Variants in GBP3 observed in about 807,000 individuals in gnomAD.
GBP3 encodes the protein guanylate binding protein 3.
A neutral mutation model predicts 62.4 loss-of-function variants in GBP3; 55 were observed. The ratio of observed to expected loss-of-function variants is 0.88; its 90% CI spans 0.71 to 1.10. The LOEUF is 1.10. Ranked by LOEUF, GBP3 falls within the 50% of genes least tolerant of loss-of-function variation. The pLI, the probability that GBP3 is intolerant of heterozygous loss-of-function variation, is 0.00. For synonymous variants in GBP3, 208 were observed against 259.2 expected, an observed-to-expected ratio of 0.80 and a Z score of 1.90; for missense variants, 605 against 690.6, an observed-to-expected ratio of 0.88 and a Z score of 1.39.
At position 89,021,544 on chromosome 1, in the gene GBP3, A is replaced by ACCCC. The variant is rs57313061; in HGVS notation, c.-22-805_-22-802dup. On this transcript the variant is annotated intron_variant, in intron 1 of 10. Transcript: ENST00000370481. ...CACACACACACACACACACACACAC[A>ACCCC]CCCCAAAAAAACCAAACCAAACAAA... 2.0e-3 allele frequency among the ~76,000 whole-genome samples: 280 copies of ACCCC among 141,000 alleles called. 1 individual carries two copies. The highest frequency in any genetic ancestry group is 4.3e-3 in the East Asian group (20 of 4,682). 92.5% of individuals were successfully genotyped at this position (141,000 alleles called of 152,430 possible).
rs1678606588 is a variant in GBP3, at chr1:89,012,123, A to G, written c.869-96T>C. On this transcript the variant is annotated intron_variant, in intron 6 of 10. Coordinates refer to ENST00000370481, the MANE Select transcript of GBP3 (RefSeq NM_018284.3). The stretch of plus-strand genomic sequence containing the variant: ...ATGTCAATTTCCACCTATTTTCCTC[A>G]CAGCATCAAGGTCCTCAGAATCATC... 4 of 1,198,664 alleles carry G rather than the reference A, an allele frequency of 3.3e-6. 2 individuals are homozygous for G. The highest frequency in any genetic ancestry group is 4.7e-6 in the Non-Finnish European group (4 of 847,138). 74.3% of individuals were successfully genotyped at this position (1,198,664 alleles called of 1,614,324 possible). A position where few individuals can be genotyped will look rare whatever the true frequency, so the allele number is the denominator to read the frequency against.
rs1377887193 is a variant in GBP3 at position 89,014,405 on chromosome 1, A to G, written c.429-126T>C. 10 of 1,593,710 alleles carry G rather than the reference A, an allele frequency of 6.3e-6. No homozygotes were observed. In the East Asian group the frequency reaches 6.8e-5, roughly 11 times the overall value. On this transcript the variant is annotated intron_variant, in intron 4 of 10. Coordinates refer to ENST00000370481, the MANE Select transcript of GBP3 (RefSeq NM_018284.3). The stretch of plus-strand genomic sequence containing the variant: ...TAAGTGTCAATTCTAAAGTGGATAC[A>G]TGGGATCTCTCCTCTGTACTTGCAT...
chr1:89,019,411 C>T (rs1006494366), intron 2 of GBP3, among the ~76,000 whole-genome samples: 2 of 152,232 alleles, frequency 1.3e-5, no homozygotes, highest in Non-Finnish European at 2.9e-5. Context: ...GCCCCAGCCT[C>T]CTGAGTAGCT....
rs1679144177 is a variant in GBP3 at position 89,020,734 on chromosome 1, G to T, written c.-13C>A. 1 of 1,610,048 alleles carries T rather than the reference G, an allele frequency of 6.2e-7. No individual in the cohort carries two copies. Among genetic ancestry groups the T allele is most frequent in the Non-Finnish European group, 8.5e-7 (1 of 1,176,854 alleles). On this transcript the variant is annotated 5_prime_UTR_variant, in exon 2 of 11. Coordinates refer to ENST00000370481, the MANE Select transcript of GBP3 (RefSeq NM_018284.3). The stretch of plus-strand genomic sequence containing the variant: ...TCTCTGGAGCCATGTCCAGGGCATT[G>T]TTCTCTTGTCTGCAAGGGAAGAGTT...
At position 89,009,482 on chromosome 1, in the gene GBP3, G is replaced by T; in HGVS notation, c.1375C>A (p.Leu459Met). 6.2e-7 allele frequency: 1 copy of T among 1,614,096 alleles called. No homozygotes were observed. Among genetic ancestry groups the T allele is most frequent in the Non-Finnish European group, 8.5e-7 (1 of 1,179,984 alleles). Residue 459 changes from leucine (L) to methionine (M), a missense_variant, in exon 9 of 11, where the codon CTG becomes ATG. Physicochemically the swap from Leu to Met is conservative, Grantham distance 15. This residue lies in a region of GBP3 where 137 missense variants were observed against 224.7 expected (regional missense o/e 0.61). Transcript: ENST00000370481. The stretch of plus-strand genomic sequence containing the variant: ...TCCTTGGATTTCAAGTATGTCTGCA[G>T]AATCTCTTCAGCCTTAGGACCCAGA... ...PRKGIQAEEI[L>M]QTYLKSKESV...
chr1:89,012,879 C>T (rs1417970698), intron 6 of GBP3, among the ~76,000 whole-genome samples: 5 of 138,956 alleles, frequency 3.6e-5, no homozygotes, highest in African/African-American at 1.2e-4. Flanking sequence ...CCTCTGTCAC[C>T]CAGGCTGGAG....
chr1:89,009,170 A>C lies in GBP3; in HGVS notation c.1466-30T>G, dbSNP rs777643488. 6 of 1,606,032 alleles carry C rather than the reference A, an allele frequency of 3.7e-6. No individual in the cohort carries two copies. In the South Asian group the frequency reaches 6.6e-5, roughly 18 times the overall value. ...GGAGGAAGAAGAAACATTTGTGTGG[A>C]GTTATCTTGTTGCCTCATTCTTAGT... is the stretch of plus-strand genomic sequence containing the variant. On this transcript the variant is annotated intron_variant, in intron 9 of 10. Coordinates refer to ENST00000370481, the MANE Select transcript of GBP3 (RefSeq NM_018284.3).
chr1:89,010,615 T>G lies in GBP3; in HGVS notation c.1362+289A>C, dbSNP rs1678502964. 1.4e-5 allele frequency among the ~76,000 whole-genome samples: 2 copies of G among 138,558 alleles called. 1 individual carries two copies. Among genetic ancestry groups the G allele is most frequent in the Non-Finnish European group, 3.3e-5 (2 of 60,128 alleles). 90.9% of individuals were successfully genotyped at this position (138,558 alleles called of 152,430 possible). ...CTTACTAGAGACATGTTTCACCATG[T>G]TGCTCAGGCTGGTCTTAAACTCCTG... On this transcript the variant is annotated intron_variant, in intron 8 of 10. Transcript: ENST00000370481.
chr1:89,012,029 T>A lies in GBP3; in HGVS notation c.869-2A>T. 1 of 1,458,116 alleles carries A rather than the reference T, an allele frequency of 6.9e-7. No individual in the cohort carries two copies. The highest frequency in any genetic ancestry group is 9.5e-7 in the Non-Finnish European group (1 of 1,051,842). The allele number at this position is 1,458,116 out of a possible 1,614,324, so 90.3% of individuals were successfully genotyped here. ...AGGTCAGCACTAGGCTCTCTAGACC[T>A]ACATACAAAGAAGAAATGATAATGT... On this transcript the variant is annotated splice_acceptor_variant, in intron 6 of 10. Coordinates refer to ENST00000370481, the MANE Select transcript of GBP3 (RefSeq NM_018284.3). LOFTEE classifies it high-confidence loss of function.
chr1:89,009,389 C>T lies in GBP3; in HGVS notation c.1465+3G>A. 5 of 1,613,476 alleles carry T rather than the reference C, an allele frequency of 3.1e-6. No individual in the cohort carries two copies. Among genetic ancestry groups the T allele is most frequent in the Non-Finnish European group, 4.2e-6 (5 of 1,179,388 alleles). On this transcript the variant is annotated splice_donor_region_variant and intron_variant, in intron 9 of 10. Transcript: ENST00000370481. ...TAATCTGATCCTTTGACTTGCTCCT[C>T]ACCTTCAATCTCCTTTTCCTTTTCT...
Position 89,010,883 on chromosome 1 carries a change from C to A in GBP3, c.1362+21G>T, listed in dbSNP as rs747229860. 48 of 1,461,514 alleles carry A rather than the reference C, an allele frequency of 3.3e-5. 12 individuals are homozygous for A. Among genetic ancestry groups the A allele is most frequent in the Non-Finnish European group, 4.0e-5 (42 of 1,054,916 alleles). The allele number at this position is 1,461,514 out of a possible 1,614,324, so 90.5% of individuals were successfully genotyped here. On this transcript the variant is annotated intron_variant, in intron 8 of 10. Transcript: ENST00000370481. ...AGGTAGGTCAGCAGGTTTCCATAAT[C>A]GACAGATGAATCTTGGTTACCTGTA... is the stretch of plus-strand genomic sequence containing the variant.
rs1353239779 is a variant in GBP3, at chr1:89,013,174, AG to A, written c.868+10del. 8 of 1,611,326 alleles carry A rather than the reference AG, an allele frequency of 5.0e-6. No individual in the cohort carries two copies. In the East Asian group the frequency reaches 1.8e-4, roughly 36 times the overall value. On this transcript the variant is annotated intron_variant, in intron 6 of 10. Coordinates refer to ENST00000370481, the MANE Select transcript of GBP3 (RefSeq NM_018284.3). ...TTAACAATGAGTGGAAGTACTACGA[AG>A]GGGACTTACGAGGCCCATTGACCTT...
rs564751048 is a variant in GBP3 at position 89,018,887 on chromosome 1, G to A, written c.190+1645C>T. Among the ~76,000 whole-genome samples, 6 of 152,252 alleles carry A rather than the reference G, an allele frequency of 3.9e-5. No individual in the cohort carries two copies. The East Asian group carries it at 5.8e-4, about 15-fold the overall frequency. ...ATCTTGTGTGTATCTATTATTTCTC[G>A]ACCTGCCGGTCTGCCTGGGAACAAA... is the stretch of plus-strand genomic sequence containing the variant. On this transcript the variant is annotated intron_variant, in intron 2 of 10. Coordinates refer to ENST00000370481, the MANE Select transcript of GBP3 (RefSeq NM_018284.3).
At chr1:89,012,940 C>T (rs12118143) in intron 6 of GBP3, among the ~76,000 whole-genome samples, 18,968 of 122,446 alleles carry the variant, frequency 0.15, 3,276 homozygotes, top group Non-Finnish European at 0.23. Flanking sequence ...CAGGTTCAAG[C>T]AATTCTCCTG....
intron 6 of GBP3, among the ~76,000 whole-genome samples, chr1:89,012,321 A>G (rs1678618348): frequency 7.2e-6 from 1 of 139,092 alleles, no homozygotes; most frequent in South Asian, 2.3e-4. Context: ...TTTCAACCCC[A>G]AGCACCATCA....
rs531686721 is a variant in GBP3, at chr1:89,015,253, G to T, written c.318+34C>A. On this transcript the variant is annotated intron_variant, in intron 3 of 10. Coordinates refer to ENST00000370481, the MANE Select transcript of GBP3 (RefSeq NM_018284.3). ...GGTGCTTAAAATATTCAGAGATGAG[G>T]GGCTTATTTCAAAATTGAATCTTTG... is the stretch of plus-strand genomic sequence containing the variant. 4.5e-6 allele frequency: 7 copies of T among 1,551,158 alleles called. No individual in the cohort carries two copies. In the South Asian group the frequency reaches 8.8e-5, roughly 19 times the overall value.
chr1:89,021,817 G>T (rs1679242162), intron 1 of GBP3, among the ~76,000 whole-genome samples: 1 of 135,156 alleles, frequency 7.4e-6, no homozygotes, highest in Non-Finnish European at 1.7e-5. Flanking sequence ...GAGAGAGAGA[G>T]AGAGAGAGAG....
Position 89,008,944 on chromosome 1 carries a change from T to C in GBP3, c.1659+3A>G. The C allele has an allele frequency of 6.2e-7, 1 of 1,614,034 alleles. No homozygotes were observed. The highest frequency in any genetic ancestry group is 8.5e-7 in the Non-Finnish European group (1 of 1,179,892). The stretch of plus-strand genomic sequence containing the variant: ...CGAACCACAAGGTGATGCATTTGGA[T>C]ACCTGAAGTTTACTAGTGAGGGTCT... On this transcript the variant is annotated splice_donor_region_variant and intron_variant, in intron 10 of 10. Coordinates refer to ENST00000370481, the MANE Select transcript of GBP3 (RefSeq NM_018284.3).
Position 89,011,887 on chromosome 1 carries a change from T to C in GBP3, c.1009A>G (p.Met337Val), listed in dbSNP as rs143333005. 141 of 1,462,332 alleles carry C rather than the reference T, an allele frequency of 9.6e-5. 37 individuals carry two copies. The highest frequency in any genetic ancestry group is 1.3e-4 in the Non-Finnish European group (138 of 1,055,358). The allele number at this position is 1,462,332 out of a possible 1,614,324, so 90.6% of individuals were successfully genotyped here. Reference protein sequence around the residue: ...QKAIAHYDQQMGQKVQLPAET... With the variant: ...QKAIAHYDQQVGQKVQLPAET... ...GCGGGCAGCTGCACCTTCTGGCCCA[T>C]CTGCTGGTCATAGTGGGCAATAGCC... The change falls in exon 7 of 11, where the codon ATG (methionine) becomes GTG (valine). Residue 337 changes from methionine (M) to valine (V), a missense_variant. Around this residue, in one of 3 missense-constraint regions of GBP3, gnomAD observed 137 missense variants for 224.7 expected, o/e 0.61. Coordinates refer to ENST00000370481, the MANE Select transcript of GBP3 (RefSeq NM_018284.3).
Sources: allele counts gnomAD v4.1 joint callset (sites outside exome capture counted in the v4.1 genomes callset), GRCh38; gene constraint gnomAD v4.1.1; regional missense constraint gnomAD v4.1.1; transcripts MANE v1.5; gene names NCBI Gene and HGNC (gene_info 2026-07-23, HGNC 2026-07-21).